IFT43: variants seen among roughly 807,000 people sequenced by gnomAD.
IFT43 encodes the protein intraflagellar transport protein 43 homolog.
In IFT43, 33 loss-of-function variants were observed where a neutral mutation model predicts 32.3. That is an observed-to-expected ratio of 1.02 (90% CI 0.77 to 1.37). The LOEUF (loss-of-function observed/expected upper bound fraction) is 1.37, where lower values mean the gene tolerates loss of function less well. Ranked by LOEUF, IFT43 falls within the 40% of genes most tolerant of loss-of-function variation. IFT43 has a pLI of 0.00. For synonymous variants in IFT43, 93 were observed against 98.2 expected (o/e 0.95, Z 0.31); for missense variants, 274 against 265.9 (o/e 1.03, Z -0.21).
At chr14:76,006,489 G>A (rs2035982872) in intron 2 of IFT43, among the ~76,000 whole-genome samples, 1 of 152,300 alleles carries the variant, frequency 6.6e-6, no homozygotes, top group East Asian at 1.9e-4. Flanking sequence ...CTGAGAAAGA[G>A]ACTGTAGCAT....
intron 2 of IFT43, among the ~76,000 whole-genome samples, chr14:76,004,420 CT>C (rs1431995785): frequency 1.3e-5 from 2 of 150,968 alleles, no homozygotes; most frequent in Non-Finnish European, 2.9e-5. Context: ...GTATGTAAGT[CT>C]TTTCTCCTCC....
rs145996162 is a variant in IFT43, at chr14:76,077,232, G to A, written c.296-5063G>A. Among the ~76,000 whole-genome samples the A allele has an allele frequency of 7.0e-3, 1,068 of 152,194 alleles. 5 individuals are homozygous for A. The highest frequency in any genetic ancestry group is 0.011 in the Non-Finnish European group (730 of 68,016). ...GATATGCACAGGGCTCTCCCAGGGG[G>A]CCTTGCAGCTCTGAAGGAAGCCAAA... On this transcript the variant is annotated intron_variant, in intron 5 of 8. Coordinates refer to ENST00000314067, the MANE Select transcript of IFT43 (RefSeq NM_001102564.3).
At chr14:76,060,239 G>A (rs1482212659) in intron 5 of IFT43, among the ~76,000 whole-genome samples, 1 of 151,868 alleles carries the variant, frequency 6.6e-6, no homozygotes, top group Non-Finnish European at 1.5e-5. Context: ...ATTTTTTGAG[G>A]CAGAGTCTCG....
chr14:76,063,800 G>A (rs766779049), intron 5 of IFT43, among the ~76,000 whole-genome samples: 1 of 152,186 alleles, frequency 6.6e-6, no homozygotes, highest in Non-Finnish European at 1.5e-5. Flanking sequence ...ATAATCACAA[G>A]ACTAGGGAAA....
chr14:76,067,229 T>A (rs1266243825), intron 5 of IFT43, among the ~76,000 whole-genome samples: 3 of 152,258 alleles, frequency 2.0e-5, no homozygotes, highest in Admixed American at 1.3e-4. Flanking sequence ...AAGCACTTTC[T>A]CCATCCATTG....
At chr14:76,053,745 G>A (rs1225578409) in intron 3 of IFT43, among the ~76,000 whole-genome samples, 1 of 152,154 alleles carries the variant, frequency 6.6e-6, no homozygotes, top group Non-Finnish European at 1.5e-5. Context: ...AAAGAAACCT[G>A]GCATTTAATT....
intron 2 of IFT43, among the ~76,000 whole-genome samples, chr14:76,013,097 G>GA: frequency 6.6e-6 from 1 of 152,212 alleles, no homozygotes. Context: ...TGGGCTTTAG[G>GA]AAAAAAATGC....
intron 3 of IFT43, 103 bp from the exon 4 acceptor site, chr14:76,058,539 A>T: frequency 7.4e-7 from 1 of 1,355,164 alleles, no homozygotes; most frequent in Non-Finnish European, 1.0e-6. Context: ...AGCACTTGAG[A>T]TATACTAATT....
intron 2 of IFT43, among the ~76,000 whole-genome samples, chr14:75,997,828 C>T (rs2035776035): frequency 6.6e-6 from 1 of 152,184 alleles, no homozygotes; most frequent in Non-Finnish European, 1.5e-5. Flanking sequence ...GTAGTTGCCT[C>T]ATAACTGGTC....
At chr14:76,026,143 C>G (rs1468771322) in intron 3 of IFT43, among the ~76,000 whole-genome samples, 1 of 152,132 alleles carries the variant, frequency 6.6e-6, no homozygotes, top group East Asian at 1.9e-4. Context: ...TGAACAAACA[C>G]TTTGTAAAAG....
intron 2 of IFT43, among the ~76,000 whole-genome samples, chr14:76,013,073 G>A (rs759057821): frequency 1.3e-5 from 2 of 152,158 alleles, no homozygotes; most frequent in Non-Finnish European, 2.9e-5. Context: ...GGTCAAGGAG[G>A]ACTCTTGAGT....
At chr14:75,999,243 A>AATATTCATTTATATATAAATTCAT (rs56810996) in intron 2 of IFT43, among the ~76,000 whole-genome samples, 1 of 25,320 alleles carries the variant, frequency 3.9e-5, no homozygotes. Context: ...ATATATATAT[A>AATATTCATTTATATATAAATTCAT]TATATATATA....
intron 5 of IFT43, among the ~76,000 whole-genome samples, chr14:76,073,266 G>A (rs80063978): frequency 5.3e-5 from 8 of 152,176 alleles, no homozygotes; most frequent in East Asian, 1.9e-4. Flanking sequence ...TCATTTCTCC[G>A]TTTGAAGGCT....
chr14:76,058,988 C>T (rs1231929091), intron 4 of IFT43: 5 of 1,428,568 alleles, frequency 3.5e-6, no homozygotes, highest in Non-Finnish European at 3.6e-6. Context: ...AGCTTCTAAG[C>T]CTTGCCTTCT....
At chr14:76,016,250 G>T (rs960312693) in intron 2 of IFT43, among the ~76,000 whole-genome samples, 1 of 152,034 alleles carries the variant, frequency 6.6e-6, no homozygotes, top group African/African-American at 2.4e-5. Flanking sequence ...AGAGATGGGG[G>T]CTCTGGTTTT....
At chr14:75,989,068 T>A in intron 2 of IFT43, 91 bp downstream of exon 2, 1 of 1,447,900 alleles carries the variant, frequency 6.9e-7, no homozygotes, top group South Asian at 1.2e-5. Flanking sequence ...CCATATTTCT[T>A]CTCTTGAATG....
At chr14:76,052,417 G>A (rs1465132614) in intron 3 of IFT43, among the ~76,000 whole-genome samples, 1 of 152,138 alleles carries the variant, frequency 6.6e-6, no homozygotes, top group Non-Finnish European at 1.5e-5. Context: ...AGGTTGTTTT[G>A]CGGCCTCTTC....
intron 2 of IFT43, among the ~76,000 whole-genome samples, chr14:76,010,921 A>G (rs77823621): frequency 2.0e-5 from 3 of 146,464 alleles, no homozygotes; most frequent in African/African-American, 7.6e-5. Context: ...TTTTTTTTTA[A>G]TGACAGCATC....
chr14:76,023,091 C>T (rs923340945), intron 3 of IFT43, among the ~76,000 whole-genome samples: 7 of 152,360 alleles, frequency 4.6e-5, no homozygotes, highest in Admixed American at 1.3e-4. Context: ...TGTAGCAGCA[C>T]TTTATAAACT....
Sources: gnomAD v4.1 joint callset for allele counts (sites outside exome capture counted in the v4.1 genomes callset) on GRCh38, gnomAD v4.1.1 for gene constraint, MANE v1.5 for transcripts, NCBI Gene and HGNC (gene_info 2026-07-23, HGNC 2026-07-21) for gene names.